The following IDI2 variants were observed in gnomAD, a reference collection of about 807,000 sequenced individuals.
IDI2 encodes isopentenyl-diphosphate delta isomerase 2, also known as isopentenyl-diphosphate delta-isomerase 2.
Under a neutral mutation model 14.8 loss-of-function variants are expected in IDI2, and 18 were observed. The observed-to-expected ratio is 1.22, with a 90% CI of 0.84 to 1.80. IDI2 has a LOEUF of 1.80. Ranked by LOEUF, IDI2 falls within the 40% of genes most tolerant of loss-of-function variation. The pLI, the probability that IDI2 is intolerant of heterozygous loss-of-function variation, is 0.00. For missense variants in IDI2, 316 were observed against 283.2 expected (o/e 1.12, Z -0.83); for synonymous variants, 133 against 109.6 (o/e 1.21, Z -1.33).
rs1270556589 is a variant in IDI2, at chr10:1,019,322, A to G, written c.*195T>C. The stretch of plus-strand genomic sequence containing the variant: ...TTTCCTCCCTGCAACCAGGCAGATG[A>G]GAAATATGGAAATAAGGAAAAGGGA... On this transcript the variant is annotated 3_prime_UTR_variant, in exon 5 of 5. Coordinates refer to ENST00000277517, the MANE Select transcript of IDI2 (RefSeq NM_033261.3). 1 of 549,204 alleles carries G rather than the reference A, an allele frequency of 1.8e-6. No homozygotes were observed. Among genetic ancestry groups the G allele is most frequent in the African/African-American group, 1.9e-5 (1 of 52,922 alleles). The allele number at this position is 549,204 out of a possible 1,614,324, so 34.0% of individuals were successfully genotyped here.
chr10:1,022,476 TTTC>T (rs1462600599), intron 3 of IDI2, among the ~76,000 whole-genome samples: 1 of 152,052 alleles, frequency 6.6e-6, no homozygotes, highest in African/African-American at 2.4e-5. Context: ...ACTCATATAG[TTTC>T]TTACTTTTTT....
In IDI2 at chr10:1,024,670, C is replaced by T; in HGVS notation, c.54G>A (p.Glu18=). The stretch of plus-strand genomic sequence containing the variant: ...TCTCATCCACAACAATCAGCATTTC[C>T]TCCAAGCGCTGCAACTGACGCCTGT... ...WVDRRQLQRL[E]EMLIVVDEND... Residue 18 remains glutamate (E), a synonymous_variant, in exon 2 of 5, where the codon GAG becomes GAA. Coordinates refer to ENST00000277517, the MANE Select transcript of IDI2 (RefSeq NM_033261.3). 2 of 1,614,206 alleles carry T rather than the reference C, an allele frequency of 1.2e-6. No homozygotes were observed. Among genetic ancestry groups the T allele is most frequent in the Non-Finnish European group, 1.7e-6 (2 of 1,180,042 alleles).
intron 3 of IDI2, 189 bp downstream of exon 3, chr10:1,022,494 A>G (rs1832127597): frequency 2.1e-6 from 1 of 483,226 alleles, no homozygotes; most frequent in Non-Finnish European, 3.7e-6. Context: ...TTTTTTAAAA[A>G]AGAAAACCCA....
At chr10:1,022,446 C>T (rs1363180548) in intron 3 of IDI2, among the ~76,000 whole-genome samples, 1 of 152,012 alleles carries the variant, frequency 6.6e-6, no homozygotes, top group Non-Finnish European at 1.5e-5. Context: ...AAAGAAACAA[C>T]AAAACAAAAA....
chr10:1,022,102 A>G (rs1332400774), intron 3 of IDI2, among the ~76,000 whole-genome samples: 1 of 152,146 alleles, frequency 6.6e-6, no homozygotes. Context: ...TACTAAAAAT[A>G]CAAAACGTTA....
chr10:1,019,315 G>T lies in IDI2; in HGVS notation c.*202C>A. 1.9e-6 allele frequency: 1 copy of T among 538,250 alleles called. No individual in the cohort carries two copies. Among genetic ancestry groups the T allele is most frequent in the Non-Finnish European group, 3.3e-6 (1 of 305,236 alleles). The allele number at this position is 538,250 out of a possible 1,614,324, so 33.3% of individuals were successfully genotyped here. ...TGTTAAATTTCCTCCCTGCAACCAG[G>T]CAGATGAGAAATATGGAAATAAGGA... is the stretch of plus-strand genomic sequence containing the variant. On this transcript the variant is annotated 3_prime_UTR_variant, in exon 5 of 5. Coordinates refer to ENST00000277517, the MANE Select transcript of IDI2 (RefSeq NM_033261.3).
At position 1,020,847 on chromosome 10, in the gene IDI2, G is replaced by T. The variant is rs777011508; in HGVS notation, c.286C>A (p.Leu96Met). 6.8e-6 allele frequency: 11 copies of T among 1,611,114 alleles called. No homozygotes were observed. Among genetic ancestry groups the T allele is most frequent in the Admixed American group, 1.7e-5 (1 of 59,634 alleles). ...ACTCCGATGGCATCCTTTTCTTCCA[G>T]TTCTGCTGGGTTGTATAATGGGTGG... is the stretch of plus-strand genomic sequence containing the variant. ...SSHPLYNPAE[L>M]EEKDAIGVRR... is the part of the protein sequence containing the mutation. The change falls in exon 4 of 5, where the codon CTG becomes ATG. Residue 96 changes from leucine to methionine, a missense_variant. Physicochemically the swap from Leu to Met is conservative, Grantham distance 15. Transcript: ENST00000277517.
rs1832061716 is a variant in IDI2, at chr10:1,019,903, A to G, written c.367-69T>C. 4 of 1,119,150 alleles carry G rather than the reference A, an allele frequency of 3.6e-6. No homozygotes were observed. The South Asian group carries it at 5.6e-5, about 16-fold the overall frequency. 69.3% of individuals were successfully genotyped at this position (1,119,150 alleles called of 1,614,324 possible). A position where few individuals can be genotyped will look rare whatever the true frequency, so the allele number is the denominator to read the frequency against. Reference sequence around the variant, plus strand: ...ACACAGAATTTACAGAAAAATAGAGAAAATAAACACATTTGTTTTCCTCAG... The same window carrying G: ...ACACAGAATTTACAGAAAAATAGAGGAAATAAACACATTTGTTTTCCTCAG... On this transcript the variant is annotated intron_variant, in intron 4 of 4. Coordinates refer to ENST00000277517, the MANE Select transcript of IDI2 (RefSeq NM_033261.3).
In IDI2 at chr10:1,019,683, T is replaced by C. The variant is rs1832055505; in HGVS notation, c.518A>G (p.Tyr173Cys). ...CTCCCACAGCTCCTCCTGGGACAGG[T>C]AGAGGATGCTTTTCGTTTCACTGGG... The part of the protein sequence containing the change: ...PDPSETKSIL[Y>C]LSQEELWELL... Residue 173 changes from tyrosine to cysteine, a missense_variant, in exon 5 of 5, where the codon TAC becomes TGC. By Grantham distance (194) the Tyr-to-Cys change is radical. Coordinates refer to ENST00000277517, the MANE Select transcript of IDI2 (RefSeq NM_033261.3). 6.2e-7 allele frequency: 1 copy of C among 1,613,966 alleles called. No individual in the cohort carries two copies. Among genetic ancestry groups the C allele is most frequent in the South Asian group, 1.1e-5 (1 of 91,074 alleles).
intron 2 of IDI2, among the ~76,000 whole-genome samples, chr10:1,023,074 A>C (rs1307343019): frequency 6.6e-6 from 1 of 152,208 alleles, no homozygotes; most frequent in African/African-American, 2.4e-5. Flanking sequence ...GGTGCTGAGC[A>C]CCATTTACGA....
chr10:1,022,216 G>A (rs918790625), intron 3 of IDI2, among the ~76,000 whole-genome samples: 2 of 150,092 alleles, frequency 1.3e-5, no homozygotes, highest in African/African-American at 2.5e-5. Context: ...CCGAGATGGC[G>A]CCACTGCACT....
chr10:1,022,901 G>C, intron 2 of IDI2, 126 bp from the exon 3 acceptor site: 2 of 667,238 alleles, frequency 3.0e-6, no homozygotes, highest in Non-Finnish European at 5.3e-6. Flanking sequence ...GCAGGGCAAA[G>C]GGGACTGCTG....
chr10:1,025,482 A>T (rs1227363086), intron 1 of IDI2, among the ~76,000 whole-genome samples: 1 of 150,910 alleles, frequency 6.6e-6, no homozygotes, highest in African/African-American at 2.4e-5. Context: ...CAGAGGTTGC[A>T]GTGAGCCGAG....
At chr10:1,024,053 G>A (rs1175796050) in intron 2 of IDI2, among the ~76,000 whole-genome samples, 1 of 152,202 alleles carries the variant, frequency 6.6e-6, no homozygotes, top group Non-Finnish European at 1.5e-5. Flanking sequence ...AAGCAGGAAA[G>A]TCTGACTTTA....
Position 1,019,251 on chromosome 10 carries a change from A to G in IDI2, c.*266T>C, listed in dbSNP as rs17221491. On this transcript the variant is annotated 3_prime_UTR_variant, in exon 5 of 5. Transcript: ENST00000277517. Reference sequence around the variant, plus strand: ...CTTTCAGGATCAGCTGCTGTTAATCAAACAAGTGCTTATAAAATGGAAATT... The same window carrying G: ...CTTTCAGGATCAGCTGCTGTTAATCGAACAAGTGCTTATAAAATGGAAATT... 57,364 of 363,500 alleles carry G rather than the reference A, an allele frequency of 0.16. 5,456 individuals are homozygous for G. The highest frequency in any genetic ancestry group is 0.21 in the Non-Finnish European group (42,304 of 200,170). The allele number at this position is 363,500 out of a possible 1,614,324, so 22.5% of individuals were successfully genotyped here.
chr10:1,022,313 A>G (rs1490449676), intron 3 of IDI2, among the ~76,000 whole-genome samples: 1 of 151,688 alleles, frequency 6.6e-6, no homozygotes, highest in Non-Finnish European at 1.5e-5. Flanking sequence ...GATAATTAAA[A>G]CTCTAAGACC....
At chr10:1,024,833 C>T (rs772420789) in intron 1 of IDI2, 89 bp from the exon 2 acceptor site, 63 of 1,210,364 alleles carry the variant, frequency 5.2e-5, no homozygotes, top group Non-Finnish European at 7.0e-5. Flanking sequence ...TAGGATTTAG[C>T]ATACACCTTC....
At chr10:1,024,801 T>G in intron 1 of IDI2, 57 bp from the exon 2 acceptor site, 1 of 1,566,084 alleles carries the variant, frequency 6.4e-7, no homozygotes, top group Non-Finnish European at 8.7e-7. Flanking sequence ...ATCTCGTTTT[T>G]GCTATGTGTT....
chr10:1,020,481 G>T (rs1564474188), intron 4 of IDI2, among the ~76,000 whole-genome samples: 2 of 152,136 alleles, frequency 1.3e-5, no homozygotes, highest in Admixed American at 6.5e-5. Context: ...GAGCCACCAC[G>T]CCCGGCTTGA....
Sources: allele counts gnomAD v4.1 joint callset (sites outside exome capture counted in the v4.1 genomes callset), GRCh38; gene constraint gnomAD v4.1.1; transcripts MANE v1.5; gene names NCBI Gene and HGNC (gene_info 2026-07-23, HGNC 2026-07-21).